Variants in VAT1L observed in about 807,000 individuals in gnomAD.
VAT1L encodes the protein putative NADPH-dependent quinone oxidoreductase VAT1L.
In VAT1L, 34 loss-of-function variants were observed where a neutral mutation model predicts 44.1. That is an observed-to-expected ratio of 0.77 (90% CI 0.59 to 1.03). VAT1L has a LOEUF of 1.03. VAT1L is among the 50% of genes least tolerant of loss of function. The pLI, the probability that VAT1L is intolerant of heterozygous loss-of-function variation, is 0.00. For missense variants in VAT1L, 615 were observed against 538.8 expected (o/e 1.14, Z -1.40); for synonymous variants, 253 against 202.2 (o/e 1.25, Z -2.13).
intron 3 of VAT1L, among the ~76,000 whole-genome samples, chr16:77,846,017 G>A (rs552930649): frequency 1.3e-5 from 2 of 152,210 alleles, no homozygotes; most frequent in South Asian, 2.1e-4. Context: ...AAATCAGAAT[G>A]GGCCTTAGCA....
At chr16:77,967,947 G>A (rs762721945) in intron 7 of VAT1L, among the ~76,000 whole-genome samples, 5 of 152,200 alleles carry the variant, frequency 3.3e-5, no homozygotes, top group Non-Finnish European at 5.9e-5. Context: ...GCAGCCCTGA[G>A]TGCCAACCAC....
intron 1 of VAT1L, among the ~76,000 whole-genome samples, chr16:77,794,522 CA>C (rs2145205003): frequency 6.6e-6 from 1 of 152,182 alleles, no homozygotes; most frequent in East Asian, 1.9e-4. Flanking sequence ...GCTACATTGG[CA>C]AACCAAGTAT....
chr16:77,936,758 A>G (rs1432676321), intron 7 of VAT1L, among the ~76,000 whole-genome samples: 2 of 152,170 alleles, frequency 1.3e-5, no homozygotes, highest in African/African-American at 4.8e-5. Flanking sequence ...TGTAAGGATT[A>G]AAGAAAGAGG....
At chr16:77,955,728 CCA>C (rs1567521453) in intron 7 of VAT1L, among the ~76,000 whole-genome samples, 6 of 99,920 alleles carry the variant, frequency 6.0e-5, no homozygotes, top group Non-Finnish European at 2.2e-5. Context: ...ATCCCCCCCC[CCA>C]AAAAAAAAAA....
In VAT1L at chr16:77,977,903, T is replaced by C; in HGVS notation, c.*208T>C. The C allele has an allele frequency of 1.9e-6, 1 of 538,608 alleles. No individual in the cohort carries two copies. The highest frequency in any genetic ancestry group is 3.1e-5 in the Admixed American group (1 of 32,216). 33.4% of individuals were successfully genotyped at this position (538,608 alleles called of 1,614,324 possible). ...CAGTATTATGTCCCTCTCCTATCTG[T>C]GTATTACACATTCCCCTCTCCCCTG... is the stretch of plus-strand genomic sequence containing the variant. On this transcript the variant is annotated 3_prime_UTR_variant, in exon 9 of 9. Transcript: ENST00000302536.
chr16:77,901,051 A>C (rs1274018085), intron 7 of VAT1L, among the ~76,000 whole-genome samples: 1 of 151,084 alleles, frequency 6.6e-6, no homozygotes, highest in Non-Finnish European at 1.5e-5. Flanking sequence ...TGAGGACTGG[A>C]ATGGGAGAAG....
At chr16:77,872,953 C>T (rs755732799) in intron 4 of VAT1L, among the ~76,000 whole-genome samples, 5 of 152,138 alleles carry the variant, frequency 3.3e-5, no homozygotes, top group Admixed American at 6.5e-5. Flanking sequence ...TATAAACTCT[C>T]GGGGAAAACC....
At chr16:77,880,422 A>C (rs1000615566) in intron 6 of VAT1L, among the ~76,000 whole-genome samples, 1 of 152,100 alleles carries the variant, frequency 6.6e-6, no homozygotes, top group Non-Finnish European at 1.5e-5. Flanking sequence ...AGCCTCCCAA[A>C]GTGCTGGAAT....
chr16:77,813,818 C>G (rs905369912), intron 1 of VAT1L, among the ~76,000 whole-genome samples: 1 of 152,090 alleles, frequency 6.6e-6, no homozygotes, highest in African/African-American at 2.4e-5. Context: ...GAATGGGTTC[C>G]CGTCTAGATT....
chr16:77,805,991 C>A (rs1371433110), intron 1 of VAT1L, among the ~76,000 whole-genome samples: 1 of 150,816 alleles, frequency 6.6e-6, no homozygotes, highest in African/African-American at 2.4e-5. Context: ...GCCTCCTGAG[C>A]AGCTGGGATT....
intron 7 of VAT1L, among the ~76,000 whole-genome samples, chr16:77,955,937 G>C (rs945809901): frequency 4.6e-5 from 7 of 152,178 alleles, no homozygotes; most frequent in African/African-American, 1.7e-4. Flanking sequence ...GTTGTATGAA[G>C]CGGGGTCTAA....
At chr16:77,858,849 A>T (rs1315331714) in intron 3 of VAT1L, among the ~76,000 whole-genome samples, 3 of 152,084 alleles carry the variant, frequency 2.0e-5, no homozygotes, top group Non-Finnish European at 2.9e-5. Flanking sequence ...AAAAAATTTT[A>T]AAAAGGCTGG....
At chr16:77,884,000 G>T (rs143735100) in intron 6 of VAT1L, among the ~76,000 whole-genome samples, 1 of 152,230 alleles carries the variant, frequency 6.6e-6, no homozygotes, top group East Asian at 1.9e-4. Context: ...GTAGAGCCAC[G>T]ATTCAAGTCC....
At chr16:77,958,721 A>C (rs2018130615) in intron 7 of VAT1L, among the ~76,000 whole-genome samples, 1 of 152,212 alleles carries the variant, frequency 6.6e-6, no homozygotes, top group South Asian at 2.1e-4. Flanking sequence ...ACCATGATGT[A>C]TATTTGATCA....
chr16:77,801,513 T>C (rs1337626901), intron 1 of VAT1L: 1 of 152,182 alleles, frequency 6.6e-6, no homozygotes, highest in Non-Finnish European at 1.5e-5. Flanking sequence ...GGTTTGTTAT[T>C]GTTCCCAGAA....
intron 1 of VAT1L, among the ~76,000 whole-genome samples, chr16:77,812,852 T>C (rs1438020801): frequency 2.0e-5 from 3 of 152,186 alleles, no homozygotes; most frequent in Non-Finnish European, 4.4e-5. Context: ...AGCCTCTGAC[T>C]AATAATTTAG....
At position 77,979,038 on chromosome 16, in the gene VAT1L, G is replaced by A. The variant is rs1355352413; in HGVS notation, c.*1343G>A. On this transcript the variant is annotated 3_prime_UTR_variant, in exon 9 of 9. Coordinates refer to ENST00000302536, the MANE Select transcript of VAT1L (RefSeq NM_020927.3). Reference sequence around the variant, plus strand: ...CTTTGTGTTCTGAAAAACATCAGAGGGATTTTACATTGCCCAGTTTCTCCA... The same window carrying A: ...CTTTGTGTTCTGAAAAACATCAGAGAGATTTTACATTGCCCAGTTTCTCCA... The A allele has an allele frequency of 6.6e-6, 1 of 152,230 alleles. No homozygotes were observed. Among genetic ancestry groups the A allele is most frequent in the Non-Finnish European group, 1.5e-5 (1 of 68,036 alleles). 9.4% of individuals were successfully genotyped at this position (152,230 alleles called of 1,614,324 possible). A position where few individuals can be genotyped will look rare whatever the true frequency, so the allele number is the denominator to read the frequency against.
chr16:77,833,845 G>A (rs1226722918), intron 3 of VAT1L, among the ~76,000 whole-genome samples: 1 of 152,122 alleles, frequency 6.6e-6, no homozygotes, highest in Non-Finnish European at 1.5e-5. Context: ...GGTGGGCTGG[G>A]CTTTCATGAG....
intron 3 of VAT1L, among the ~76,000 whole-genome samples, chr16:77,834,867 T>C (rs2016622389): frequency 6.6e-6 from 1 of 152,168 alleles, no homozygotes; most frequent in Non-Finnish European, 1.5e-5. Flanking sequence ...AAAATACTTC[T>C]CAGTTTGCTC....
Sources: allele counts gnomAD v4.1 joint callset (sites outside exome capture counted in the v4.1 genomes callset), GRCh38; gene constraint gnomAD v4.1.1; transcripts MANE v1.5; gene names NCBI Gene and HGNC (gene_info 2026-07-23, HGNC 2026-07-21).